AP4E1: variants seen among roughly 807,000 people sequenced by gnomAD.
The protein encoded by AP4E1 is adaptor related protein complex 4 subunit epsilon 1, also known as AP-4 complex subunit epsilon-1.
AP4E1 carries 56 observed loss-of-function variants against 128.2 expected under a neutral mutation model. That is an observed-to-expected ratio of 0.44 (90% CI 0.35 to 0.55). The LOEUF is 0.55. AP4E1 is among the 20% of genes least tolerant of loss of function. The pLI is 0.00. For missense variants in AP4E1, 1,324 were observed against 1,307.7 expected, an observed-to-expected ratio of 1.01 and a Z score of -0.19; for synonymous variants, 484 against 473.1, an observed-to-expected ratio of 1.02 and a Z score of -0.30.
chr15:50,955,208 G>T (rs2064202025), intron 13 of AP4E1, among the ~76,000 whole-genome samples: 1 of 152,160 alleles, frequency 6.6e-6, no homozygotes, highest in African/African-American at 2.4e-5. Context: ...GTAATGGGAT[G>T]GCTGGATCAA....
chr15:50,923,842 T>C, intron 3 of AP4E1, 89 bp from the exon 4 acceptor site: 1 of 955,560 alleles, frequency 1.0e-6, no homozygotes, highest in Non-Finnish European at 1.7e-6. Flanking sequence ...ACTGGTATCT[T>C]TGATACTTAC....
chr15:50,977,923 G>C (rs938609576), intron 15 of AP4E1, among the ~76,000 whole-genome samples: 13 of 151,962 alleles, frequency 8.6e-5, no homozygotes, highest in African/African-American at 3.1e-4. Flanking sequence ...TGCCCAGGCT[G>C]GTCTCAAATT....
intron 13 of AP4E1, among the ~76,000 whole-genome samples, chr15:50,954,369 G>C (rs968070963): frequency 2.6e-5 from 4 of 152,094 alleles, no homozygotes; most frequent in Admixed American, 6.6e-5. Context: ...AAACCATCTG[G>C]ACTTGTAGAT....
At chr15:50,975,533 A>G (rs536256400) in intron 15 of AP4E1, among the ~76,000 whole-genome samples, 3 of 149,818 alleles carry the variant, frequency 2.0e-5, no homozygotes, top group African/African-American at 7.3e-5. Flanking sequence ...GGTTTTCCCA[A>G]TGTTGTTTGT....
At chr15:50,979,510 G>A (rs1421898015) in intron 15 of AP4E1, among the ~76,000 whole-genome samples, 3 of 152,050 alleles carry the variant, frequency 2.0e-5, no homozygotes, top group Non-Finnish European at 4.4e-5. Flanking sequence ...AGAACAATGA[G>A]CCAAATAAAT....
chr15:51,000,161 T>TTA (rs2064941306), intron 19 of AP4E1, among the ~76,000 whole-genome samples: 2 of 149,080 alleles, frequency 1.3e-5, no homozygotes, highest in South Asian at 2.1e-4. Flanking sequence ...TTTTTTTTTT[T>TTA]AAACAGGGTC....
Position 50,929,223 on chromosome 15 carries a change from A to AAAATTAAAATTAAAAT in AP4E1, c.702+55_702+56insAAATTAAAATTAAAAT, listed in dbSNP as rs1257680334. ...TAGTTACCATTAGAAAAATACAATTATGGAATTAAAAAGAAACAGATATTT... is the reference window on the plus strand; with the variant it reads ...TAGTTACCATTAGAAAAATACAATTAAAATTAAAATTAAAATTGGAATTAAAAAGAAACAGATATTT... On this transcript the variant is annotated intron_variant, in intron 6 of 20. Coordinates refer to ENST00000261842, the MANE Select transcript of AP4E1 (RefSeq NM_007347.5). 4 of 1,551,160 alleles carry AAAATTAAAATTAAAAT rather than the reference A, an allele frequency of 2.6e-6. No individual in the cohort carries two copies. The Admixed American group carries it at 6.8e-5, about 26-fold the overall frequency.
At chr15:50,964,874 C>T (rs2064365475) in intron 14 of AP4E1, among the ~76,000 whole-genome samples, 1 of 151,562 alleles carries the variant, frequency 6.6e-6, no homozygotes, top group African/African-American at 2.4e-5. Context: ...AGGCAGATAC[C>T]TCATGGCTTG....
rs148432063 is a variant in AP4E1 at position 50,964,955 on chromosome 15, C to CACACACACA, written c.1852-3308_1852-3307insACACACACA. On this transcript the variant is annotated intron_variant, in intron 14 of 20. Coordinates refer to ENST00000261842, the MANE Select transcript of AP4E1 (RefSeq NM_007347.5). ...TTGTAAAGTATAACACCTCCCCCTA[C>CACACACACA]CACACACACACACACACACACACAC... 3.0e-5 allele frequency among the ~76,000 whole-genome samples: 4 copies of CACACACACA among 131,366 alleles called. No homozygotes were observed. In the South Asian group the frequency reaches 1.0e-3, roughly 34 times the overall value. 86.2% of individuals were successfully genotyped at this position (131,366 alleles called of 152,430 possible). A position where few individuals can be genotyped will look rare whatever the true frequency, so the allele number is the denominator to read the frequency against.
chr15:50,995,345 A>G (rs1410308968), intron 17 of AP4E1, among the ~76,000 whole-genome samples: 2 of 149,456 alleles, frequency 1.3e-5, no homozygotes, highest in Non-Finnish European at 3.0e-5. Context: ...TTTTTATATC[A>G]CTTTAGAAAG....
Position 51,001,006 on chromosome 15 carries a change from A to T in AP4E1, c.3096-20A>T, listed in dbSNP as rs369194637. On this transcript the variant is annotated intron_variant, in intron 19 of 20. Coordinates refer to ENST00000261842, the MANE Select transcript of AP4E1 (RefSeq NM_007347.5). The stretch of plus-strand genomic sequence containing the variant: ...TTTCACTGTTTTTGACATATATCTA[A>T]TTTTAAAAATTATTTTCAGACCATT... 83 of 1,589,422 alleles carry T rather than the reference A, an allele frequency of 5.2e-5. 1 individual carries two copies. Among genetic ancestry groups the T allele is most frequent in the South Asian group, 4.0e-4 (36 of 90,248 alleles).
At chr15:50,979,623 C>G (rs2064610646) in intron 15 of AP4E1, among the ~76,000 whole-genome samples, 1 of 152,160 alleles carries the variant, frequency 6.6e-6, no homozygotes, top group Non-Finnish European at 1.5e-5. Context: ...ATCCCAGGTT[C>G]AAGCAATTCT....
At chr15:50,922,405 A>C (rs1299709896) in intron 3 of AP4E1, among the ~76,000 whole-genome samples, 1 of 151,946 alleles carries the variant, frequency 6.6e-6, no homozygotes, top group African/African-American at 2.4e-5. Flanking sequence ...ATTTGTTTCA[A>C]CTCTTAAGAT....
Position 50,984,018 on chromosome 15 carries a change from C to T in AP4E1, c.1967-4C>T, listed in dbSNP as rs1203158712. On this transcript the variant is annotated splice_region_variant and splice_polypyrimidine_tract_variant and intron_variant, in intron 15 of 20. Coordinates refer to ENST00000261842, the MANE Select transcript of AP4E1 (RefSeq NM_007347.5). The stretch of plus-strand genomic sequence containing the variant: ...GAACCTCTGTTATTATTTTAAAATT[C>T]TAGTTCTCAATTTTGAACCATATGG... The T allele has an allele frequency of 6.2e-7, 1 of 1,612,120 alleles. No homozygotes were observed. Among genetic ancestry groups the T allele is most frequent in the South Asian group, 1.1e-5 (1 of 91,000 alleles).
In AP4E1 at chr15:50,962,889, C is replaced by CAAAAAAAAAAAAAAAAAAAAAA. The variant is rs71127168; in HGVS notation, c.1851+4101_1851+4122dup. Among the ~76,000 whole-genome samples, 22 of 38,718 alleles carry CAAAAAAAAAAAAAAAAAAAAAA rather than the reference C, an allele frequency of 5.7e-4. 4 individuals carry two copies. The highest frequency in any genetic ancestry group is 2.3e-3 in the African/African-American group (20 of 8,728). 25.4% of individuals were successfully genotyped at this position (38,718 alleles called of 152,430 possible). A position where few individuals can be genotyped will look rare whatever the true frequency, so the allele number is the denominator to read the frequency against. On this transcript the variant is annotated intron_variant, in intron 14 of 20. Transcript: ENST00000261842. ...ATATATAAGGAACTCAATTCAACAG[C>CAAAAAAAAAAAAAAAAAAAAAA]AAAAAAAAAAAAAAAAAAAAAAAAA...
intron 17 of AP4E1, among the ~76,000 whole-genome samples, chr15:50,995,074 C>T (rs990672142): frequency 6.6e-6 from 1 of 152,150 alleles, no homozygotes; most frequent in African/African-American, 2.4e-5. Flanking sequence ...TTAACAATGA[C>T]ATAAAATTAG....
In AP4E1 at chr15:50,982,738, A is replaced by G. The variant is rs867667322; in HGVS notation, c.1967-1284A>G. ...GATTCTTCTTCTGTATCATTTATTT[A>G]GGTAACTAGCAAGCATTTATTTAGC... On this transcript the variant is annotated intron_variant, in intron 15 of 20. Coordinates refer to ENST00000261842, the MANE Select transcript of AP4E1 (RefSeq NM_007347.5). Among the ~76,000 whole-genome samples the G allele has an allele frequency of 2.4e-4, 37 of 152,274 alleles. 1 individual carries two copies. The highest frequency in any genetic ancestry group is 1.0e-3 in the South Asian group (5 of 4,830).
At chr15:50,955,492 T>C (rs2064208124) in intron 13 of AP4E1, among the ~76,000 whole-genome samples, 1 of 152,224 alleles carries the variant, frequency 6.6e-6, no homozygotes, top group Non-Finnish European at 1.5e-5. Flanking sequence ...GTGATGGTGT[T>C]GTTCAGTTCT....
chr15:50,941,949 C>T (rs1233071817), intron 10 of AP4E1, among the ~76,000 whole-genome samples, 174 bp downstream of exon 10: 1 of 152,174 alleles, frequency 6.6e-6, no homozygotes, highest in East Asian at 1.9e-4. Flanking sequence ...CAGAATCTCA[C>T]TCTGTCACCC....
Sources: allele counts gnomAD v4.1 joint callset (sites outside exome capture counted in the v4.1 genomes callset), GRCh38; gene constraint gnomAD v4.1.1; transcripts MANE v1.5; gene names NCBI Gene and HGNC (gene_info 2026-07-23, HGNC 2026-07-21).